MYO7A: variants seen among roughly 807,000 people sequenced by gnomAD.
The protein encoded by MYO7A is unconventional myosin-VIIa.
In MYO7A, 210 loss-of-function variants were observed where a neutral mutation model predicts 263.8. The ratio of observed to expected loss-of-function variants is 0.80; its 90% confidence interval spans 0.71 to 0.89. The LOEUF (loss-of-function observed/expected upper bound fraction) is 0.89. Ranked by LOEUF, MYO7A falls within the 40% of genes least tolerant of loss-of-function variation. The pLI is 0.00. For missense variants in MYO7A, 2,820 were observed against 2,968.3 expected (o/e 0.95, Z 1.16); for synonymous variants, 1,239 against 1,197.3 (o/e 1.03, Z -0.72).
intron 45 of MYO7A, 140 bp from the exon 46 acceptor site, chr11:77,211,681 C>A: frequency 3.0e-6 from 2 of 663,700 alleles, no homozygotes; most frequent in South Asian, 3.6e-5. Context: ...GGTCTGCTGT[C>A]CTAGTCCTGG....
At chr11:77,197,237 G>T (rs1956728022) in intron 32 of MYO7A, among the ~76,000 whole-genome samples, 1 of 152,230 alleles carries the variant, frequency 6.6e-6, no homozygotes, top group Non-Finnish European at 1.5e-5. Context: ...GGGCAGCTAT[G>T]CTTTCTCTGA....
intron 14 of MYO7A, among the ~76,000 whole-genome samples, chr11:77,163,459 A>G (rs1953216665): frequency 6.6e-6 from 1 of 152,254 alleles, no homozygotes; most frequent in Non-Finnish European, 1.5e-5. Context: ...CCAGCCTACT[A>G]CATAGCTAGG....
intron 3 of MYO7A, 135 bp from the exon 4 acceptor site, chr11:77,147,663 T>C: frequency 9.0e-7 from 1 of 1,115,138 alleles, no homozygotes; most frequent in Admixed American, 2.1e-5. Context: ...GAACTGACAG[T>C]GTCTGGCTGC....
At chr11:77,209,036 C>G in intron 44 of MYO7A, 1 of 564,942 alleles carries the variant, frequency 1.8e-6, no homozygotes, top group Non-Finnish European at 3.2e-6. Context: ...AGCTTCCGAT[C>G]CCTACCTGTT....
chr11:77,198,691 C>T (rs1487806890), intron 34 of MYO7A, 70 bp downstream of exon 34: 4 of 1,597,740 alleles, frequency 2.5e-6, no homozygotes, highest in Non-Finnish European at 3.4e-6. Context: ...CCCTGCGGGT[C>T]ACAGGAAGTG....
chr11:77,160,412 G>A, intron 11 of MYO7A, 130 bp downstream of exon 11: 2 of 1,334,626 alleles, frequency 1.5e-6, no homozygotes, highest in Non-Finnish European at 2.0e-6. Context: ...CCCCGGGGCT[G>A]CAGTCGGCCT....
At chr11:77,129,391 G>A (rs1161455097) in intron 1 of MYO7A, among the ~76,000 whole-genome samples, 2 of 152,202 alleles carry the variant, frequency 1.3e-5, no homozygotes, top group Non-Finnish European at 2.9e-5. Context: ...GCAGAGGATC[G>A]AATGCCCCGG....
In MYO7A at chr11:77,162,399, C is replaced by T. The variant is rs945961646; in HGVS notation, c.1554+69C>T. The T allele has an allele frequency of 4.4e-5, 63 of 1,444,160 alleles. 1 individual carries two copies. In the South Asian group the frequency reaches 5.3e-4, roughly 12 times the overall value. The allele number at this position is 1,444,160 out of a possible 1,614,324, so 89.5% of individuals were successfully genotyped here. Reference sequence around the variant, plus strand: ...CAGCTTCCTTCCCTGCTTTGAGCCCCGGCTTTCCTCATCTGCAAAATAGGA... The same window carrying T: ...CAGCTTCCTTCCCTGCTTTGAGCCCTGGCTTTCCTCATCTGCAAAATAGGA... On this transcript the variant is annotated intron_variant, in intron 13 of 48. Transcript: ENST00000409709.
At chr11:77,154,205 G>A (rs1952229819) in intron 4 of MYO7A, among the ~76,000 whole-genome samples, 1 of 152,210 alleles carries the variant, frequency 6.6e-6, no homozygotes, top group Non-Finnish European at 1.5e-5. Flanking sequence ...CAAGGGAGGT[G>A]GGTGTTAACC....
intron 24 of MYO7A, 77 bp downstream of exon 24, chr11:77,182,231 C>A (rs1040175421): frequency 6.4e-7 from 1 of 1,562,302 alleles, no homozygotes; most frequent in Middle Eastern, 1.7e-4. Flanking sequence ...TGGTGGTGGC[C>A]GTAGGTGATG....
rs1555067470 is a variant in MYO7A at position 77,160,203 on chromosome 11, C to A, written c.1121C>A (p.Thr374Asn). The change falls in exon 11 of 49, where the codon ACC (threonine) becomes AAC (asparagine). Residue 374 changes from threonine (T) to asparagine (N), a missense_variant. Transcript: ENST00000409709. ...PDLMSCLTSR[T>N]LITRGETVST... is the part of the protein sequence containing the mutation. ...CTGATGAGCTGCCTGACTAGCCGCA[C>A]CCTCATCACCCGCGGGGAGACGGTG... The A allele has an allele frequency of 1.9e-6, 3 of 1,579,470 alleles. No individual in the cohort carries two copies. Among genetic ancestry groups the A allele is most frequent in the Middle Eastern group, 1.7e-4 (1 of 5,922 alleles).
At chr11:77,204,783 T>A (rs926045982) in intron 39 of MYO7A, among the ~76,000 whole-genome samples, 2 of 152,216 alleles carry the variant, frequency 1.3e-5, no homozygotes, top group Admixed American at 6.5e-5. Flanking sequence ...TCCCCAGCTG[T>A]GTCACCCTCT....
At chr11:77,145,142 G>C (rs1951476708) in intron 3 of MYO7A, among the ~76,000 whole-genome samples, 1 of 152,212 alleles carries the variant, frequency 6.6e-6, no homozygotes, top group Non-Finnish European at 1.5e-5. Context: ...GCTCGTCACT[G>C]TTAAATGGGG....
Position 77,214,608 on chromosome 11 carries a change from G to A in MYO7A, c.6560G>A (p.Gly2187Asp), listed in dbSNP as rs397516332. The stretch of plus-strand genomic sequence containing the variant: ...TTATCTTCTCACCCCTGCTTCCAGG[G>A]CTACAAGATGGATGACCTCCTGACT... ...GSKLLCETSL[G>D]YKMDDLLTSY... The change falls in exon 49 of 49, where the codon GGC becomes GAC. Residue 2187 changes from glycine to aspartate, a missense_variant and splice_region_variant. Transcript: ENST00000409709. 2.5e-6 allele frequency: 4 copies of A among 1,573,748 alleles called. No homozygotes were observed. The highest frequency in any genetic ancestry group is 3.5e-6 in the Non-Finnish European group (4 of 1,158,536).
intron 41 of MYO7A, 171 bp from the exon 42 acceptor site, chr11:77,207,118 C>T (rs1957491677): frequency 1.8e-6 from 1 of 548,412 alleles, no homozygotes; most frequent in Non-Finnish European, 3.2e-6. Flanking sequence ...TGGGAAGACC[C>T]AGACAGGAGT....
intron 30 of MYO7A, among the ~76,000 whole-genome samples, chr11:77,191,610 C>T (rs577792328): frequency 1.3e-5 from 2 of 152,324 alleles, no homozygotes; most frequent in East Asian, 1.9e-4. Flanking sequence ...AGACTCACCT[C>T]GGAGGCTGGA....
chr11:77,153,560 C>T (rs1555058802), intron 4 of MYO7A, among the ~76,000 whole-genome samples: 1 of 152,206 alleles, frequency 6.6e-6, no homozygotes, highest in African/African-American at 2.4e-5. Context: ...CCTCTCTGGA[C>T]TTCCCGTGCC....
At chr11:77,210,827 T>C in intron 44 of MYO7A, 1 of 246,706 alleles carries the variant, frequency 4.1e-6, no homozygotes, top group South Asian at 1.1e-4. Flanking sequence ...TGGAACAGTC[T>C]CAGGGTTGCC....
rs373331911 is a variant in MYO7A at position 77,192,138 on chromosome 11, C to A, written c.4012C>A (p.Arg1338Ser). 4 of 1,613,856 alleles carry A rather than the reference C, an allele frequency of 2.5e-6. No individual in the cohort carries two copies. In the African/African-American group the frequency reaches 4.0e-5, roughly 16 times the overall value. ...CGCCAAGGAGCAGGGCGCCCAGGAGCGCAACGCCCCCTGGAGGCTCTTCTT... is the reference window on the plus strand; with the variant it reads ...CGCCAAGGAGCAGGGCGCCCAGGAGAGCAACGCCCCCTGGAGGCTCTTCTT... ...QYAKEQGAQERNAPWRLFFRK... is the reference protein window; with the variant it reads ...QYAKEQGAQESNAPWRLFFRK... Residue 1338 changes from arginine (R) to serine (S), a missense_variant, in exon 31 of 49, where the codon CGC (arginine) becomes AGC (serine). Coordinates refer to ENST00000409709, the MANE Select transcript of MYO7A (RefSeq NM_000260.4).
Sources: gnomAD v4.1 joint callset for allele counts (sites outside exome capture counted in the v4.1 genomes callset) on GRCh38, gnomAD v4.1.1 for gene constraint, MANE v1.5 for transcripts, NCBI Gene and HGNC (gene_info 2026-07-23, HGNC 2026-07-21) for gene names.